Variants in BLTP3A observed in about 807,000 individuals in gnomAD.
BLTP3A encodes the protein ICBP90 binding protein 1.
At chr6:34,821,751 A>G in the BLTP3A span, 1 of 1,614,044 alleles carries the variant, frequency 6.2e-7, no homozygotes, top group Non-Finnish European at 8.5e-7. Flanking sequence ...GTTCTACAGA[A>G]TGTACTGGAG....
At chr6:34,872,014 G>A in the BLTP3A span, 1 of 1,309,472 alleles carries the variant, frequency 7.6e-7, no homozygotes, top group South Asian at 1.3e-5. Flanking sequence ...GGGCAAAAAG[G>A]TTGCGTGTGC....
At chr6:34,856,266 A>G in the BLTP3A span, 2 of 1,613,988 alleles carry the variant, frequency 1.2e-6, no homozygotes, top group Non-Finnish European at 8.5e-7. Flanking sequence ...TGGGTACGCC[A>G]CTGTGAGGCC....
chr6:34,857,670 G>A, the BLTP3A span: 1 of 1,545,844 alleles, frequency 6.5e-7, no homozygotes, highest in Admixed American at 1.8e-5. Context: ...TAGGTAGTAA[G>A]AGCCTAGCTA....
chr6:34,873,384 C>T, the BLTP3A span: 1 of 152,278 alleles, frequency 6.6e-6, no homozygotes, highest in Non-Finnish European at 1.5e-5. Flanking sequence ...CCAGTTCTCT[C>T]CTCAGCCCTT....
chr6:34,843,610 T>G, the BLTP3A span, among the ~76,000 whole-genome samples: 1 of 152,232 alleles, frequency 6.6e-6, no homozygotes, highest in Non-Finnish European at 1.5e-5. Context: ...CATTCTAATT[T>G]TACTCTTTTA....
the BLTP3A span, among the ~76,000 whole-genome samples, chr6:34,833,796 G>A: frequency 6.6e-6 from 1 of 151,618 alleles, no homozygotes; most frequent in South Asian, 2.1e-4. Context: ...GAGTGGTGGC[G>A]CGTGGCTCCC....
chr6:34,814,574 T>G, the BLTP3A span, among the ~76,000 whole-genome samples: 5 of 152,150 alleles, frequency 3.3e-5, no homozygotes, highest in Non-Finnish European at 5.9e-5. Flanking sequence ...AACTCTTGGT[T>G]GTTTAGTGCT....
At chr6:34,852,313 AGGCCCAAG>A in the BLTP3A span, among the ~76,000 whole-genome samples, 2 of 152,068 alleles carry the variant, frequency 1.3e-5, no homozygotes, top group Non-Finnish European at 2.9e-5. Flanking sequence ...TGTTTATTCA[AGGCCCAAG>A]GGCCCTTTAG....
the BLTP3A span, among the ~76,000 whole-genome samples, chr6:34,847,210 C>T: frequency 6.6e-6 from 1 of 151,232 alleles, no homozygotes; most frequent in South Asian, 2.1e-4. Flanking sequence ...GAAGATCGGC[C>T]TGTAGTTTTC....
At chr6:34,853,849 A>G in the BLTP3A span, among the ~76,000 whole-genome samples, 1 of 152,136 alleles carries the variant, frequency 6.6e-6, no homozygotes, top group African/African-American at 2.4e-5. Context: ...GGCATGAGCC[A>G]CGGTGCCTGG....
the BLTP3A span, among the ~76,000 whole-genome samples, chr6:34,841,267 C>G: frequency 6.6e-6 from 1 of 152,208 alleles, no homozygotes; most frequent in African/African-American, 2.4e-5. Flanking sequence ...TGGGGTTTCA[C>G]TATGTTGGCC....
At chr6:34,858,506 A>G in the BLTP3A span, 7 of 1,613,998 alleles carry the variant, frequency 4.3e-6, no homozygotes, top group Admixed American at 1.2e-4. Flanking sequence ...CATACCTTGA[A>G]TTTTGTAGCC....
At chr6:34,798,500 C>T in the BLTP3A span, among the ~76,000 whole-genome samples, 1 of 152,028 alleles carries the variant, frequency 6.6e-6, no homozygotes, top group Non-Finnish European at 1.5e-5. Context: ...TACATTTCCA[C>T]CAGAAGTGTG....
chr6:34,859,083 T>C, the BLTP3A span: 1 of 1,614,018 alleles, frequency 6.2e-7, no homozygotes, highest in Non-Finnish European at 8.5e-7. Flanking sequence ...CAGAGCTATC[T>C]CCTTCAGAGG....
At chr6:34,812,091 G>A in the BLTP3A span, among the ~76,000 whole-genome samples, 1 of 151,972 alleles carries the variant, frequency 6.6e-6, no homozygotes, top group Non-Finnish European at 1.5e-5. Context: ...CACTTTGGGA[G>A]TCCAAGGTGG....
chr6:34,821,995 G>A, the BLTP3A span: 1 of 1,613,218 alleles, frequency 6.2e-7, no homozygotes, highest in Non-Finnish European at 8.5e-7. Context: ...AAATGGGGAT[G>A]GCCAGGGTAG....
At chr6:34,850,758 A>T in the BLTP3A span, among the ~76,000 whole-genome samples, 1 of 152,166 alleles carries the variant, frequency 6.6e-6, no homozygotes, top group Non-Finnish European at 1.5e-5. Flanking sequence ...GTACAGTGGC[A>T]TAATCATAGC....
chr6:34,864,349 T>C, the BLTP3A span: 2 of 802,862 alleles, frequency 2.5e-6, no homozygotes, highest in South Asian at 4.9e-5. Flanking sequence ...CAGAGAAATT[T>C]TGGTGGACTT....
At chr6:34,812,732 G>A in the BLTP3A span, among the ~76,000 whole-genome samples, 1 of 152,096 alleles carries the variant, frequency 6.6e-6, no homozygotes, top group African/African-American at 2.4e-5. Context: ...GGGACTATAG[G>A]TGTGAGCCAC....
Sources: allele counts gnomAD v4.1 joint callset (sites outside exome capture counted in the v4.1 genomes callset), GRCh38; gene constraint gnomAD v4.1.1; transcripts MANE v1.5; gene names NCBI Gene and HGNC (gene_info 2026-07-23, HGNC 2026-07-21).